Variants in SOX30 observed in about 807,000 individuals in gnomAD.
SOX30 encodes the protein SRY-box transcription factor 30.
A neutral mutation model predicts 58.6 loss-of-function variants in SOX30; 17 were observed. The ratio of observed to expected loss-of-function variants is 0.29; its 90% CI spans 0.20 to 0.44. The LOEUF is 0.44. Among genes scored for constraint, SOX30 ranks in the 20% least tolerant of loss-of-function variants. The pLI is 1.00. For missense variants in SOX30, 951 were observed against 965.8 expected, an observed-to-expected ratio of 0.98 and a Z score of 0.20; for synonymous variants, 421 against 400.2, an observed-to-expected ratio of 1.05 and a Z score of -0.62.
intron 3 of SOX30, among the ~76,000 whole-genome samples, chr5:157,639,281 C>G (rs1044407054): frequency 6.6e-6 from 1 of 151,898 alleles, no homozygotes; most frequent in Non-Finnish European, 1.5e-5. Context: ...GTTCTGTTTA[C>G]CTAAATATAT....
intron 1 of SOX30, among the ~76,000 whole-genome samples, chr5:157,668,065 C>T (rs560050662): frequency 5.3e-5 from 8 of 152,346 alleles, no homozygotes; most frequent in Non-Finnish European, 7.3e-5. Flanking sequence ...CCATGCCAGG[C>T]TGCCGCCCCA....
Position 157,640,216 on chromosome 5 carries a change from T to A in SOX30, c.1388-1494A>T, listed in dbSNP as rs1759030178. On this transcript the variant is annotated intron_variant, in intron 3 of 4. Transcript: ENST00000265007. The stretch of plus-strand genomic sequence containing the variant: ...AACCATGATCACCAAACTGGGAGAT[T>A]GAGAGCAGGAACTCTCAATTTCTAT... Among the ~76,000 whole-genome samples the A allele has an allele frequency of 2.6e-5, 4 of 152,210 alleles. No homozygotes were observed. The South Asian group carries it at 8.3e-4, about 31-fold the overall frequency.
intron 2 of SOX30, 97 bp downstream of exon 2, chr5:157,648,560 A>C: frequency 1.7e-6 from 2 of 1,174,070 alleles, no homozygotes; most frequent in South Asian, 3.1e-5. Flanking sequence ...TATCAGAAAA[A>C]AATTATATAT....
rs1203322529 is a variant in SOX30 at position 157,637,133 on chromosome 5, C to CAAAAA, written c.1880+1092_1880+1096dup. Among the ~76,000 whole-genome samples the CAAAAA allele has an allele frequency of 4.5e-3, 285 of 62,798 alleles. 3 individuals carry two copies. The highest frequency in any genetic ancestry group is 0.015 in the African/African-American group (258 of 17,782). The allele number at this position is 62,798 out of a possible 152,430, so 41.2% of individuals were successfully genotyped here. A position where few individuals can be genotyped will look rare whatever the true frequency, so the allele number is the denominator to read the frequency against. On this transcript the variant is annotated intron_variant, in intron 4 of 4. Coordinates refer to ENST00000265007, the MANE Select transcript of SOX30 (RefSeq NM_178424.2). ...GGGCAACAAGAGCAAAACTCCGCCT[C>CAAAAA]AAAAAAAAAAAAAAAAAAAAAAATG... is the stretch of plus-strand genomic sequence containing the variant.
At position 157,652,209 on chromosome 5, in the gene SOX30, G is replaced by A. The variant is rs1759375056; in HGVS notation, c.-131C>T. 2.3e-6 allele frequency: 3 copies of A among 1,315,802 alleles called. No homozygotes were observed. Among genetic ancestry groups the A allele is most frequent in the South Asian group, 4.9e-5 (2 of 40,908 alleles). 81.5% of individuals were successfully genotyped at this position (1,315,802 alleles called of 1,614,324 possible). ...ACCCTACGCGGTTCAAAACGCAGCTGTCTGTCTGGGCCTCACCCAATCACA... is the reference window on the plus strand; with the variant it reads ...ACCCTACGCGGTTCAAAACGCAGCTATCTGTCTGGGCCTCACCCAATCACA... On this transcript the variant is annotated 5_prime_UTR_variant, in exon 1 of 5. Coordinates refer to ENST00000265007, the MANE Select transcript of SOX30 (RefSeq NM_178424.2).
intron 4 of SOX30, among the ~76,000 whole-genome samples, chr5:157,631,303 T>C (rs1405305514): frequency 6.6e-6 from 1 of 151,782 alleles, no homozygotes. Flanking sequence ...CTTACACTTG[T>C]TTGCTAGAGA....
intron 3 of SOX30, among the ~76,000 whole-genome samples, chr5:157,645,105 T>C (rs1348994621): frequency 6.6e-6 from 1 of 152,152 alleles, no homozygotes; most frequent in Non-Finnish European, 1.5e-5. Context: ...TGCCTGCCTG[T>C]GCTAGGACAG....
chr5:157,662,702 G>T (rs1291982410), intron 2 of SOX30, among the ~76,000 whole-genome samples: 2 of 152,254 alleles, frequency 1.3e-5, no homozygotes, highest in South Asian at 2.1e-4. Context: ...GGAAGTAGGG[G>T]TTGGACATGC....
intron 1 of SOX30, 81 bp downstream of exon 1, chr5:157,651,031 T>A: frequency 1.9e-6 from 2 of 1,069,800 alleles, no homozygotes; most frequent in Non-Finnish European, 2.7e-6. Flanking sequence ...TTTTGTAGTT[T>A]AGACTTGGGA....
intron 4 of SOX30, among the ~76,000 whole-genome samples, chr5:157,627,925 C>T (rs933936309): frequency 1.3e-5 from 2 of 151,082 alleles, no homozygotes; most frequent in African/African-American, 2.4e-5. Flanking sequence ...ACCCAGAAGG[C>T]GGAGCTTGCA....
chr5:157,657,570 A>G (rs1759499317), intron 2 of SOX30, among the ~76,000 whole-genome samples: 2 of 152,258 alleles, frequency 1.3e-5, no homozygotes, highest in African/African-American at 2.4e-5. Context: ...AGTTAACTGC[A>G]TTGACTGAAC....
chr5:157,644,457 A>G (rs1321773560), intron 3 of SOX30, among the ~76,000 whole-genome samples: 3 of 152,226 alleles, frequency 2.0e-5, no homozygotes, highest in African/African-American at 7.2e-5. Flanking sequence ...ATGGAGAAAG[A>G]ACCCTACCAA....
Position 157,652,333 on chromosome 5 carries a change from G to C in SOX30, c.-255C>G. On this transcript the variant is annotated 5_prime_UTR_variant, in exon 1 of 5. An upstream open reading frame in the 5' UTR gains an earlier in-frame stop. Transcript: ENST00000265007. ...CTGAGTCCTCGAATCACCTGCCATGGTAGGAGCCGCCGCACTTGTTGCACA... is the reference window on the plus strand; with the variant it reads ...CTGAGTCCTCGAATCACCTGCCATGCTAGGAGCCGCCGCACTTGTTGCACA... 8.3e-7 allele frequency: 1 copy of C among 1,211,638 alleles called. No homozygotes were observed. The highest frequency in any genetic ancestry group is 1.0e-6 in the Non-Finnish European group (1 of 975,984). 75.1% of individuals were successfully genotyped at this position (1,211,638 alleles called of 1,614,324 possible). A position where few individuals can be genotyped will look rare whatever the true frequency, so the allele number is the denominator to read the frequency against.
chr5:157,668,405 G>C (rs1159508302), intron 1 of SOX30, among the ~76,000 whole-genome samples: 2 of 152,198 alleles, frequency 1.3e-5, no homozygotes, highest in African/African-American at 4.8e-5. Context: ...TAACTTGTCA[G>C]GGAGCAGGGG....
At chr5:157,635,066 A>C (rs1026771827) in intron 4 of SOX30, among the ~76,000 whole-genome samples, 39 of 152,382 alleles carry the variant, frequency 2.6e-4, no homozygotes, top group African/African-American at 8.9e-4. Context: ...AGTCATAAAT[A>C]GATTATTTCC....
At chr5:157,628,408 G>A (rs1400959926) in intron 4 of SOX30, among the ~76,000 whole-genome samples, 1 of 131,646 alleles carries the variant, frequency 7.6e-6, no homozygotes, top group East Asian at 2.3e-4. Flanking sequence ...CACACACACA[G>A]AGTCAACTTT....
At chr5:157,660,335 TTGCTTGAGTTCAGGAAGCAGAGG>T (rs1374918296) in intron 2 of SOX30, among the ~76,000 whole-genome samples, 1 of 152,066 alleles carries the variant, frequency 6.6e-6, no homozygotes, top group Non-Finnish European at 1.5e-5. Context: ...GGCTGGAGAA[TTGCTTGAGTTCAGGAAGCAGAGG>T]TTGCAGTGAG....
chr5:157,665,001 G>C (rs1295809994), intron 2 of SOX30, among the ~76,000 whole-genome samples: 1 of 152,216 alleles, frequency 6.6e-6, no homozygotes, highest in African/African-American at 2.4e-5. Flanking sequence ...CTGTTGGTGG[G>C]ACTGTAAACT....
chr5:157,646,610 T>G (rs774755446), intron 3 of SOX30, 27 bp downstream of exon 3: 1 of 1,535,802 alleles, frequency 6.5e-7, no homozygotes, highest in Non-Finnish European at 8.8e-7. Flanking sequence ...ATTTAAAAAA[T>G]AGTAATCTAC....
Sources: gnomAD v4.1 joint callset for allele counts (sites outside exome capture counted in the v4.1 genomes callset) on GRCh38, gnomAD v4.1.1 for gene constraint, MANE v1.5 for transcripts, NCBI Gene and HGNC (gene_info 2026-07-23, HGNC 2026-07-21) for gene names.